The following ZNF804B variants were observed in gnomAD, a reference collection of about 807,000 sequenced individuals.
ZNF804B encodes the protein zinc finger protein 804B.
Under a neutral mutation model 101.4 loss-of-function variants are expected in ZNF804B, and 80 were observed. The observed-to-expected ratio is 0.79, with a 90% CI of 0.66 to 0.95. ZNF804B has a LOEUF of 0.95. Among genes scored for constraint, ZNF804B ranks in the 40% least tolerant of loss-of-function variants. The probability of loss-of-function intolerance (pLI) is 0.00; values close to 1 mark genes in which losing one functional copy is unlikely to be tolerated. For missense variants in ZNF804B, 1,673 were observed against 1,561.9 expected, an observed-to-expected ratio of 1.07 and a Z score of -1.20; for synonymous variants, 622 against 558.8, an observed-to-expected ratio of 1.11 and a Z score of -1.59.
intron 1 of ZNF804B, among the ~76,000 whole-genome samples, chr7:88,858,255 C>T (rs1475303375): frequency 6.6e-6 from 1 of 152,168 alleles, no homozygotes; most frequent in Non-Finnish European, 1.5e-5. Flanking sequence ...TATTACTTTC[C>T]TAGTTTCCTT....
chr7:88,834,770 C>T (rs1006343917), intron 1 of ZNF804B, among the ~76,000 whole-genome samples: 6 of 151,532 alleles, frequency 4.0e-5, no homozygotes, highest in South Asian at 2.1e-4. Flanking sequence ...AACTATTTTT[C>T]GCCATTCAAT....
At chr7:89,223,182 G>A (rs1036352637) in intron 2 of ZNF804B, among the ~76,000 whole-genome samples, 2 of 151,818 alleles carry the variant, frequency 1.3e-5, no homozygotes, top group African/African-American at 4.8e-5. Context: ...TACTTTCCAT[G>A]TAGATTCAGA....
intron 1 of ZNF804B, among the ~76,000 whole-genome samples, chr7:89,002,232 A>G (rs1403219310): frequency 6.6e-6 from 1 of 151,802 alleles, no homozygotes; most frequent in Admixed American, 6.6e-5. Context: ...TTGTGAGTAC[A>G]ATTTATAGAT....
chr7:89,250,025 A>C (rs548716271), intron 2 of ZNF804B, among the ~76,000 whole-genome samples: 4 of 152,084 alleles, frequency 2.6e-5, no homozygotes, highest in Non-Finnish European at 5.9e-5. Flanking sequence ...ATCTCTACTG[A>C]AAATACAAAA....
At chr7:89,203,560 T>C (rs1788676201) in intron 1 of ZNF804B, among the ~76,000 whole-genome samples, 1 of 152,156 alleles carries the variant, frequency 6.6e-6, no homozygotes, top group African/African-American at 2.4e-5. Context: ...CTGTAAAGCA[T>C]AATTTTTTTC....
chr7:88,995,585 A>C (rs901641785), intron 1 of ZNF804B, among the ~76,000 whole-genome samples: 1 of 151,944 alleles, frequency 6.6e-6, no homozygotes, highest in Non-Finnish European at 1.5e-5. Flanking sequence ...AGTTGGACTG[A>C]AGGTGTCAAT....
At chr7:89,035,449 C>A (rs925559018) in intron 1 of ZNF804B, among the ~76,000 whole-genome samples, 2 of 151,748 alleles carry the variant, frequency 1.3e-5, no homozygotes, top group African/African-American at 4.8e-5. Flanking sequence ...AAATCAGCTA[C>A]GTTGGCTTTT....
chr7:89,333,074 C>G (rs1361698009), intron 3 of ZNF804B, among the ~76,000 whole-genome samples: 1 of 151,808 alleles, frequency 6.6e-6, no homozygotes, highest in Admixed American at 6.6e-5. Flanking sequence ...TTGATAGATT[C>G]TATAGGACAT....
At chr7:89,296,657 G>C (rs1004479156) in intron 2 of ZNF804B, among the ~76,000 whole-genome samples, 3 of 151,996 alleles carry the variant, frequency 2.0e-5, no homozygotes, top group Non-Finnish European at 4.4e-5. Flanking sequence ...GTGTGTAGTA[G>C]ACCCCAATAC....
chr7:89,167,467 A>AAATAAATT (rs371610618), intron 1 of ZNF804B, among the ~76,000 whole-genome samples: 2 of 151,416 alleles, frequency 1.3e-5, no homozygotes, highest in Non-Finnish European at 2.9e-5. Context: ...ATAAATAAAT[A>AAATAAATT]AATAATCCCT....
chr7:88,791,025 A>G (rs530665505), intron 1 of ZNF804B, among the ~76,000 whole-genome samples: 2 of 152,218 alleles, frequency 1.3e-5, no homozygotes, highest in East Asian at 3.9e-4. Context: ...AAGCATTGTC[A>G]CGCTCTTTTT....
intron 1 of ZNF804B, among the ~76,000 whole-genome samples, chr7:88,927,295 A>C: frequency 6.6e-6 from 1 of 152,314 alleles, no homozygotes; most frequent in Middle Eastern, 3.4e-3. Flanking sequence ...GCTTCAGATA[A>C]TCAGATACAT....
chr7:88,993,372 A>G (rs1244524793), intron 1 of ZNF804B, among the ~76,000 whole-genome samples: 2 of 152,048 alleles, frequency 1.3e-5, no homozygotes, highest in Non-Finnish European at 2.9e-5. Flanking sequence ...GAGGAGCAGA[A>G]TAATGTTTTG....
At chr7:89,178,403 T>C (rs996371843) in intron 1 of ZNF804B, among the ~76,000 whole-genome samples, 2 of 152,062 alleles carry the variant, frequency 1.3e-5, no homozygotes, top group Admixed American at 1.3e-4. Flanking sequence ...ATTTCTTGAT[T>C]TTTATTTTTT....
intron 1 of ZNF804B, among the ~76,000 whole-genome samples, chr7:88,811,447 A>C (rs1583951390): frequency 6.6e-6 from 1 of 152,194 alleles, no homozygotes; most frequent in Non-Finnish European, 1.5e-5. Context: ...CATAAATACC[A>C]TTTGACCTAG....
At chr7:88,837,851 G>A (rs927011577) in intron 1 of ZNF804B, among the ~76,000 whole-genome samples, 1 of 151,692 alleles carries the variant, frequency 6.6e-6, no homozygotes. Context: ...TTAAAGAGAT[G>A]TGCAAAAATG....
At chr7:89,173,796 GC>G (rs1791276092) in intron 1 of ZNF804B, among the ~76,000 whole-genome samples, 1 of 151,810 alleles carries the variant, frequency 6.6e-6, no homozygotes, top group African/African-American at 2.4e-5. Context: ...ATCAACACAA[GC>G]AAAATTGGCC....
At chr7:89,039,995 A>G (rs1369309691) in intron 1 of ZNF804B, among the ~76,000 whole-genome samples, 1 of 152,126 alleles carries the variant, frequency 6.6e-6, no homozygotes, top group South Asian at 2.1e-4. Flanking sequence ...TTTTTTGATC[A>G]TCATGGATCT....
chr7:88,912,303 T>C (rs1292293943), intron 1 of ZNF804B, among the ~76,000 whole-genome samples: 1 of 152,080 alleles, frequency 6.6e-6, no homozygotes, highest in Non-Finnish European at 1.5e-5. Context: ...GTTTATTATA[T>C]AATCTGGATA....
Sources: allele counts gnomAD v4.1 joint callset (sites outside exome capture counted in the v4.1 genomes callset), GRCh38; gene constraint gnomAD v4.1.1; transcripts MANE v1.5; gene names NCBI Gene and HGNC (gene_info 2026-07-23, HGNC 2026-07-21).